The following OPRM1 variants were observed in gnomAD, a reference collection of about 807,000 sequenced individuals.
OPRM1 encodes mu-type opioid receptor.
Under a neutral mutation model 31.8 loss-of-function variants are expected in OPRM1, and 27 were observed. That is an observed-to-expected ratio of 0.85 (90% CI 0.63 to 1.17). The LOEUF (loss-of-function observed/expected upper bound fraction) is 1.17, where lower values mean the gene tolerates loss of function less well. Ranked by LOEUF, OPRM1 falls within the 50% of genes most tolerant of loss-of-function variation. The probability of loss-of-function intolerance (pLI) is 0.00; values close to 1 mark genes in which losing one functional copy is unlikely to be tolerated. For synonymous variants in OPRM1, 196 were observed against 189.9 expected, an observed-to-expected ratio of 1.03 and a Z score of -0.26; for missense variants, 536 against 511.1, an observed-to-expected ratio of 1.05 and a Z score of -0.47.
rs1241250621 is a variant in OPRM1 at position 154,180,414 on chromosome 6, A to ATATT, written c.1165-66278_1165-66277insATTT. ...TATATATATATATATATATATATATATTTTTTTTTTAAACATGATCCTTCT... is the reference window on the plus strand; with the variant it reads ...TATATATATATATATATATATATATATATTTTTTTTTTTTAAACATGATCCTTCT... On this transcript the variant is annotated intron_variant, in intron 3 of 3. Coordinates refer to the OPRM1 transcript ENST00000337049. Among the ~76,000 whole-genome samples the ATATT allele has an allele frequency of 1.2e-3, 76 of 65,242 alleles. 1 individual carries two copies. Among genetic ancestry groups the ATATT allele is most frequent in the South Asian group, 2.3e-3 (6 of 2,558 alleles). 42.8% of individuals were successfully genotyped at this position (65,242 alleles called of 152,430 possible). A position where few individuals can be genotyped will look rare whatever the true frequency, so the allele number is the denominator to read the frequency against.
chr6:154,235,849 A>G (rs530748620), intron 3 of OPRM1, among the ~76,000 whole-genome samples: 1 of 152,330 alleles, frequency 6.6e-6, no homozygotes, highest in Non-Finnish European at 1.5e-5. Flanking sequence ...GTGTGATGGT[A>G]CCTCACAGCC....
At chr6:154,133,800 T>TAATC (rs1385909370), downstream of OPRM1, among the ~76,000 whole-genome samples, 1 of 152,224 alleles carries the variant, frequency 6.6e-6, no homozygotes, top group Non-Finnish European at 1.5e-5. Flanking sequence ...TCTAGCAGCG[T>TAATC]AAGCCCTCCA....
At chr6:154,180,416 T>TATATATATATATATA (rs1562526757) in intron 3 of OPRM1, among the ~76,000 whole-genome samples, 1 of 51,100 alleles carries the variant, frequency 2.0e-5, no homozygotes, top group South Asian at 6.2e-4. Flanking sequence ...ATATATATAT[T>TATATATATATATATA]TTTTTTTTAA....
chr6:154,074,857 A>G lies in OPRM1; in HGVS notation c.291-14969A>G, dbSNP rs189693588. 1.6e-3 allele frequency among the ~76,000 whole-genome samples: 251 copies of G among 152,286 alleles called. 1 individual carries two copies. The highest frequency in any genetic ancestry group is 5.8e-3 in the African/African-American group (243 of 41,566). On this transcript the variant is annotated intron_variant, in intron 1 of 3. Coordinates refer to ENST00000330432, the MANE Select transcript of OPRM1 (RefSeq NM_000914.5). ...AGTATGAAGAAACACAAAAGATACTAGAAGGATAGACACGGAAAAACTAAA... is the reference window on the plus strand; with the variant it reads ...AGTATGAAGAAACACAAAAGATACTGGAAGGATAGACACGGAAAAACTAAA...
intron 1 of OPRM1, 59 bp from the exon 2 acceptor site, chr6:154,089,767 A>G: frequency 8.8e-7 from 1 of 1,138,444 alleles, no homozygotes. Flanking sequence ...TTGGAAGCTT[A>G]CCTATATTTT....
chr6:154,082,165 A>G (rs949289714), intron 1 of OPRM1, among the ~76,000 whole-genome samples: 6 of 152,230 alleles, frequency 3.9e-5, no homozygotes, highest in Non-Finnish European at 8.8e-5. Context: ...CTCTAAGAAA[A>G]AAATGTTTTG....
chr6:154,084,268 T>C (rs1347493697), intron 1 of OPRM1, among the ~76,000 whole-genome samples: 1 of 152,220 alleles, frequency 6.6e-6, no homozygotes, highest in African/African-American at 2.4e-5. Flanking sequence ...TGAGAAGTCC[T>C]CCATTCTCCC....
At chr6:154,011,149 G>A in intron 1 of OPRM1, 1 of 854,392 alleles carries the variant, frequency 1.2e-6, no homozygotes, top group Non-Finnish European at 1.6e-6. Flanking sequence ...TGATGTAAGA[G>A]CAGGAAATAA....
At chr6:154,109,792 C>CTGTGTGTGTGTGTG (rs377400514) in intron 3 of OPRM1, among the ~76,000 whole-genome samples, 8 of 101,198 alleles carry the variant, frequency 7.9e-5, no homozygotes, top group African/African-American at 2.7e-4. Flanking sequence ...CTCTCTCTCT[C>CTGTGTGTGTGTGTG]TGTGTGTGTG....
At chr6:154,106,664 C>T (rs939809704) in intron 3 of OPRM1, among the ~76,000 whole-genome samples, 14 of 152,152 alleles carry the variant, frequency 9.2e-5, no homozygotes, top group African/African-American at 3.1e-4. Flanking sequence ...AGTTATTTTA[C>T]TTTAGGACAA....
At chr6:154,062,748 T>A (rs758450849) in intron 1 of OPRM1, among the ~76,000 whole-genome samples, 1 of 152,050 alleles carries the variant, frequency 6.6e-6, no homozygotes, top group Non-Finnish European at 1.5e-5. Flanking sequence ...CATCAATTGG[T>A]CCTAAAATAT....
chr6:154,178,325 C>A (rs920360658), intron 3 of OPRM1, among the ~76,000 whole-genome samples: 1 of 151,926 alleles, frequency 6.6e-6, no homozygotes, highest in Non-Finnish European at 1.5e-5. Flanking sequence ...ATATCTGATT[C>A]AATAGATATT....
chr6:154,126,844 G>T lies in OPRM1; in HGVS notation c.*8123G>T, dbSNP rs778488520. Among the ~76,000 whole-genome samples, 6 of 152,156 alleles carry T rather than the reference G, an allele frequency of 3.9e-5. No individual in the cohort carries two copies. The highest frequency in any genetic ancestry group is 8.8e-5 in the Non-Finnish European group (6 of 68,038). On this transcript the variant is annotated 3_prime_UTR_variant, in exon 4 of 4. Transcript: ENST00000330432. ...AAAAAAGTGCCTGCTGGGCGCGGTG[G>T]CTCACGCCTGTAATTCCAGCACTTT...
At chr6:154,021,217 C>A (rs2128381582) in intron 1 of OPRM1, among the ~76,000 whole-genome samples, 1 of 152,292 alleles carries the variant, frequency 6.6e-6, no homozygotes, top group African/African-American at 2.4e-5. Context: ...TGAAAACTTA[C>A]TTTTCTCCGC....
chr6:154,130,943 TTATTA>T lies in OPRM1; in HGVS notation c.*12224_*12228del, dbSNP rs1334307509. Among the ~76,000 whole-genome samples the T allele has an allele frequency of 6.6e-6, 1 of 152,112 alleles. No homozygotes were observed. The highest frequency in any genetic ancestry group is 1.5e-5 in the Non-Finnish European group (1 of 68,010). On this transcript the variant is annotated 3_prime_UTR_variant, in exon 4 of 4. Coordinates refer to ENST00000330432, the MANE Select transcript of OPRM1 (RefSeq NM_000914.5). ...AATGAGTGATCTTGTTGTTTTCATT[TTATTA>T]TGTTATATGAAAAAAAGAAACCTTG...
At chr6:154,060,859 G>A (rs1784261328) in intron 1 of OPRM1, among the ~76,000 whole-genome samples, 1 of 152,142 alleles carries the variant, frequency 6.6e-6, no homozygotes, top group African/African-American at 2.4e-5. Context: ...TATACTGGGT[G>A]ACACAAGAAA....
chr6:154,097,394 G>A (rs769842141), intron 3 of OPRM1, among the ~76,000 whole-genome samples: 2 of 152,130 alleles, frequency 1.3e-5, no homozygotes, highest in South Asian at 4.1e-4. Flanking sequence ...CTCAAAAGTT[G>A]ATCTCAGTTT....
rs114620940 is a variant in OPRM1 at position 154,063,243 on chromosome 6, A to T, written c.290+23409A>T. Among the ~76,000 whole-genome samples the T allele has an allele frequency of 6.0e-3, 917 of 152,104 alleles. 7 individuals are homozygous for T. Among genetic ancestry groups the T allele is most frequent in the African/African-American group, 0.021 (874 of 41,562 alleles). ...ATAGATACAATAATCACGGTTGTCT[A>T]AGTTACTACTAGAATTTTTGTGAAC... On this transcript the variant is annotated intron_variant, in intron 1 of 3. Transcript: ENST00000330432.
At chr6:154,166,941 T>A (rs1583686740) in intron 3 of OPRM1, among the ~76,000 whole-genome samples, 1 of 152,248 alleles carries the variant, frequency 6.6e-6, no homozygotes, top group Admixed American at 6.5e-5. Context: ...ATTATCTTTG[T>A]ATAATTAAAA....
Sources: allele counts gnomAD v4.1 joint callset (sites outside exome capture counted in the v4.1 genomes callset), GRCh38; gene constraint gnomAD v4.1.1; transcripts MANE v1.5; gene names NCBI Gene and HGNC (gene_info 2026-07-23, HGNC 2026-07-21).